Variants in ANK2 observed in about 807,000 individuals in gnomAD.
ANK2 encodes ankyrin-2.
In ANK2, 83 loss-of-function variants were observed where a neutral mutation model predicts 360.5. That is an observed-to-expected ratio of 0.23 (90% CI 0.19 to 0.28). The LOEUF (loss-of-function observed/expected upper bound fraction) is 0.28. Among genes scored for constraint, ANK2 ranks in the 10% least tolerant of loss-of-function variants. The pLI is 1.00. For missense variants in ANK2, 4,201 were observed against 4,795.7 expected (o/e 0.88, Z 3.66); for synonymous variants, 1,740 against 1,759.5 (o/e 0.99, Z 0.28).
chr4:113,009,295 C>T (rs1249162650), intron 2 of ANK2, among the ~76,000 whole-genome samples: 1 of 152,026 alleles, frequency 6.6e-6, no homozygotes, highest in Non-Finnish European at 1.5e-5. Flanking sequence ...CTACAGAGTG[C>T]CTTAAAGTTT....
chr4:113,078,551 A>G (rs2081061150), intron 1 of ANK2, among the ~76,000 whole-genome samples: 1 of 152,212 alleles, frequency 6.6e-6, no homozygotes, highest in Non-Finnish European at 1.5e-5. Flanking sequence ...GAAATCTCAT[A>G]GGATTATCAC....
chr4:113,284,729 T>G (rs1274572083), intron 18 of ANK2, among the ~76,000 whole-genome samples: 1 of 152,178 alleles, frequency 6.6e-6, no homozygotes, highest in Non-Finnish European at 1.5e-5. Context: ...TGTTTATCAC[T>G]AGAGTAAAAC....
the ANK2 span, among the ~76,000 whole-genome samples, chr4:112,807,508 A>G: frequency 6.6e-6 from 1 of 152,184 alleles, no homozygotes; most frequent in Admixed American, 6.5e-5. Flanking sequence ...ATGATGGTGA[A>G]TTTTATCCAT....
intron 4 of ANK2, among the ~76,000 whole-genome samples, chr4:113,211,238 C>T (rs1041794754): frequency 6.6e-6 from 1 of 152,184 alleles, no homozygotes; most frequent in Non-Finnish European, 1.5e-5. Context: ...CACAATGTAT[C>T]GAGCTAATGA....
intron 30 of ANK2, 198 bp from the exon 31 acceptor site, chr4:113,336,379 G>A: frequency 1.7e-6 from 1 of 603,586 alleles, no homozygotes; most frequent in Non-Finnish European, 2.8e-6. Flanking sequence ...GCTGCCATCA[G>A]AGATCGTGGA....
chr4:113,097,573 T>C (rs555716198), intron 1 of ANK2, among the ~76,000 whole-genome samples: 1 of 152,210 alleles, frequency 6.6e-6, no homozygotes, highest in African/African-American at 2.4e-5. Flanking sequence ...AGCTACTGCT[T>C]TTGGTACATG....
At chr4:113,242,032 T>C (rs1405806769) in intron 8 of ANK2, 79 bp from the exon 9 acceptor site, 8 of 1,140,812 alleles carry the variant, frequency 7.0e-6, no homozygotes, top group East Asian at 4.7e-5. Context: ...ACAACTTCCT[T>C]TGTGGCCTTT....
intron 22 of ANK2, among the ~76,000 whole-genome samples, chr4:113,294,659 T>G (rs982361282): frequency 6.6e-6 from 1 of 152,234 alleles, no homozygotes; most frequent in Non-Finnish European, 1.5e-5. Flanking sequence ...GATTTATTAA[T>G]GAGCTGCAAG....
intron 2 of ANK2, among the ~76,000 whole-genome samples, chr4:112,932,584 C>G (rs1461610892): frequency 6.9e-6 from 1 of 144,282 alleles, no homozygotes; most frequent in Admixed American, 6.9e-5. Flanking sequence ...TTTTTTTTTT[C>G]CTGTAAAGAG....
At chr4:113,274,899 G>A (rs1316844637) in intron 15 of ANK2, among the ~76,000 whole-genome samples, 1 of 152,062 alleles carries the variant, frequency 6.6e-6, no homozygotes. Context: ...AGTACTCTAA[G>A]ATGATTTTCA....
intron 9 of ANK2, among the ~76,000 whole-genome samples, chr4:113,247,274 A>G (rs1205715055): frequency 1.3e-5 from 2 of 152,164 alleles, no homozygotes; most frequent in Non-Finnish European, 2.9e-5. Context: ...TAGAATACAA[A>G]AGCTTGAAAA....
At chr4:113,098,624 T>C (rs1042130916) in intron 1 of ANK2, among the ~76,000 whole-genome samples, 31 of 152,152 alleles carry the variant, frequency 2.0e-4, no homozygotes, top group African/African-American at 7.2e-4. Context: ...GAAGATATGA[T>C]AACAATTCTC....
intron 1 of ANK2, among the ~76,000 whole-genome samples, chr4:112,882,653 C>T (rs1467798917): frequency 6.7e-6 from 1 of 150,228 alleles, no homozygotes; most frequent in Non-Finnish European, 1.5e-5. Context: ...ATGAATTATC[C>T]AAATTAAAAT....
chr4:112,873,194 A>C (rs1580205235), intron 1 of ANK2, among the ~76,000 whole-genome samples: 1 of 152,036 alleles, frequency 6.6e-6, no homozygotes, highest in East Asian at 1.9e-4. Context: ...GATTTAAGAA[A>C]ATTCTCTATT....
intron 23 of ANK2, among the ~76,000 whole-genome samples, chr4:113,309,949 G>A (rs527463152): frequency 6.6e-6 from 1 of 152,106 alleles, no homozygotes; most frequent in Non-Finnish European, 1.5e-5. Flanking sequence ...AGGAAGGCTG[G>A]GTTCCTGTGG....
the ANK2 span, among the ~76,000 whole-genome samples, chr4:112,757,885 AT>A: frequency 0.021 from 3,074 of 147,162 alleles, 111 homozygotes; most frequent in African/African-American, 0.074. Context: ...CTAAAGATGG[AT>A]TTTTTTTTTT....
intron 1 of ANK2, among the ~76,000 whole-genome samples, chr4:112,832,573 T>C (rs1286790144): frequency 6.6e-6 from 1 of 152,220 alleles, no homozygotes; most frequent in African/African-American, 2.4e-5. Flanking sequence ...AAGTTATTTG[T>C]AGAGTAGTGC....
chr4:112,711,868 A>C, the ANK2 span, among the ~76,000 whole-genome samples: 1 of 150,600 alleles, frequency 6.6e-6, no homozygotes, highest in Non-Finnish European at 1.5e-5. Flanking sequence ...AAATTAAAAA[A>C]AGAAAAAGAA....
At position 113,369,753 on chromosome 4, in the gene ANK2, A is replaced by G. The variant is rs780909800; in HGVS notation, c.11558A>G (p.Asp3853Gly). ...AGCCTCGTAATAGTGGAGTCTGCCG[A>G]TAACCAGCCTGAGACCTGTGAAAGA... ...KTSLVIVESA[D>G]NQPETCERLD... Residue 3853 changes from aspartate to glycine, a missense_variant, in exon 43 of 46, where the codon GAT becomes GGT. This residue lies in a region of ANK2 where 2,642 missense variants were observed against 2,714.5 expected (regional missense o/e 0.97). Transcript: ENST00000357077. 1 of 1,614,132 alleles carries G rather than the reference A, an allele frequency of 6.2e-7. No individual in the cohort carries two copies. The highest frequency in any genetic ancestry group is 2.2e-5 in the East Asian group (1 of 44,868).
Sources: gnomAD v4.1 joint callset for allele counts (sites outside exome capture counted in the v4.1 genomes callset) on GRCh38, gnomAD v4.1.1 for gene constraint, gnomAD v4.1.1 regional missense constraint, MANE v1.5 for transcripts, NCBI Gene and HGNC (gene_info 2026-07-23, HGNC 2026-07-21) for gene names.